The following HTATSF1 variants were observed in gnomAD, a reference collection of about 807,000 sequenced individuals.
The protein encoded by HTATSF1 is HIV-1 Tat specific factor 1, also known as 17S U2 SnRNP complex component HTATSF1.
A neutral mutation model predicts 46.1 loss-of-function variants in HTATSF1; 6 were observed. The ratio of observed to expected loss-of-function variants is 0.13; its 90% CI spans 0.07 to 0.26. HTATSF1 has a LOEUF of 0.26. HTATSF1 is among the 10% of genes least tolerant of loss of function. The pLI, the probability that HTATSF1 is intolerant of heterozygous loss-of-function variation, is 1.00. For synonymous variants in HTATSF1, 226 were observed against 211.5 expected, an observed-to-expected ratio of 1.07 and a Z score of -0.60; for missense variants, 452 against 559.9, an observed-to-expected ratio of 0.81 and a Z score of 1.94.
chrX:136,498,080 T>A (rs753188014), intron 1 of HTATSF1, among the ~76,000 whole-genome samples: 166 of 112,702 alleles, frequency 1.5e-3, no homozygotes, highest in Middle Eastern at 9.1e-3. Context: ...TTTTAAGTCT[T>A]TTCTATGCTT....
intron 6 of HTATSF1, 37 bp downstream of exon 6, chrX:136,504,500 A>G: frequency 9.4e-7 from 1 of 1,065,881 alleles, no homozygotes; most frequent in Non-Finnish European, 1.3e-6. Flanking sequence ...AAATGCTGAT[A>G]GGCTTTTTTT....
chrX:136,511,658 T>C lies in HTATSF1; in HGVS notation c.1913T>C (p.Phe638Ser). Residue 638 changes from phenylalanine (F) to serine (S), a missense_variant, in exon 9 of 9, where the codon TTT becomes TCT. Physicochemically the swap from Phe to Ser is radical, Grantham distance 155. Coordinates refer to ENST00000218364, the MANE Select transcript of HTATSF1 (RefSeq NM_014500.5). ...GAGGAGGATACATATGAAAAAGTAT[T>C]TGATGATGAGTCTGATGAGAAAGAG... ...EEEEDTYEKV[F>S]DDESDEKEDE... 1 of 1,210,536 alleles carries C rather than the reference T, an allele frequency of 8.3e-7. No homozygotes were observed. Among genetic ancestry groups the C allele is most frequent in the Admixed American group, 2.2e-5 (1 of 45,897 alleles).
Position 136,510,119 on chromosome X carries a change from A to T in HTATSF1, c.962A>T (p.Asp321Val). Residue 321 changes from aspartate to valine, a missense_variant, in exon 8 of 9, where the codon GAT becomes GTT. By Grantham distance (152) the Asp-to-Val change is radical. Coordinates refer to ENST00000218364, the MANE Select transcript of HTATSF1 (RefSeq NM_014500.5). ...GGTGTGGCCTCTGTGTCCTTTCGGG[A>T]TCCAGAGGAAGCTGATTATTGTATT... ...PDGVASVSFRDPEEADYCIQT... is the reference protein window; with the variant it reads ...PDGVASVSFRVPEEADYCIQT... 1 of 1,207,377 alleles carries T rather than the reference A, an allele frequency of 8.3e-7. No individual in the cohort carries two copies. The highest frequency in any genetic ancestry group is 1.1e-6 in the Non-Finnish European group (1 of 892,937).
chrX:136,510,896 G>A lies in HTATSF1; in HGVS notation c.1151G>A (p.Arg384His), dbSNP rs1396759818. 8.3e-6 allele frequency: 10 copies of A among 1,209,798 alleles called. No individual in the cohort carries two copies. Among genetic ancestry groups the A allele is most frequent in the Middle Eastern group, 2.3e-4 (1 of 4,375 alleles). The change falls in exon 9 of 9, where the codon CGT becomes CAT. Residue 384 changes from arginine to histidine, a missense_variant. Coordinates refer to ENST00000218364, the MANE Select transcript of HTATSF1 (RefSeq NM_014500.5). ...CCTGAGGCCAACAGAGGCCTTAGGC[G>A]TTCAGATTCTGTCTCTGCTTCCGAA... ...NAPEANRGLR[R>H]SDSVSASERA...
intron 1 of HTATSF1, among the ~76,000 whole-genome samples, chrX:136,498,078 C>G (rs1033606200): frequency 2.7e-5 from 3 of 112,393 alleles, no homozygotes; most frequent in Non-Finnish European, 3.8e-5. Flanking sequence ...ATTTTTAAGT[C>G]TTTTCTATGC....
chrX:136,508,103 C>T (rs1030429109), intron 6 of HTATSF1, among the ~76,000 whole-genome samples: 1 of 111,797 alleles, frequency 8.9e-6, no homozygotes, highest in Non-Finnish European at 1.9e-5. Flanking sequence ...TCAGTAACTC[C>T]CTGCCAGCTT....
At chrX:136,508,787 G>T (rs2075754321) in intron 6 of HTATSF1, among the ~76,000 whole-genome samples, 1 of 112,573 alleles carries the variant, frequency 8.9e-6, no homozygotes, top group African/African-American at 3.2e-5. Context: ...TTAGCAGTCT[G>T]ACTGAATATG....
Position 136,511,714 on chromosome X carries a change from G to C in HTATSF1, c.1969G>C (p.Glu657Gln), listed in dbSNP as rs772360827. The C allele has an allele frequency of 3.2e-5, 39 of 1,211,622 alleles. No homozygotes were observed. The highest frequency in any genetic ancestry group is 4.4e-5 in the Non-Finnish European group (39 of 895,317). Reference protein sequence around the residue: ...DEEYADEKGLEAADKKAEEGD... With the variant: ...DEEYADEKGLQAADKKAEEGD... The stretch of plus-strand genomic sequence containing the variant: ...AGAATATGCAGATGAAAAGGGGCTT[G>C]AAGCTGCTGATAAAAAGGCGGAAGA... The change falls in exon 9 of 9, where the codon GAA becomes CAA. Residue 657 changes from glutamate to glutamine, a missense_variant. Around this residue, in one of 3 missense-constraint regions of HTATSF1, gnomAD observed 246 missense variants for 245.3 expected, o/e 1.00. Coordinates refer to ENST00000218364, the MANE Select transcript of HTATSF1 (RefSeq NM_014500.5).
chrX:136,497,606 C>G lies in HTATSF1; in HGVS notation c.-79C>G, dbSNP rs768701972. On this transcript the variant is annotated 5_prime_UTR_variant, in exon 1 of 9. Coordinates refer to ENST00000218364, the MANE Select transcript of HTATSF1 (RefSeq NM_014500.5). ...GGGGCGCGAGCAGAGCGCGGTTGAC[C>G]TCCCTTTCTCTGCTCAGCTCCAGCG... 21 of 895,065 alleles carry G rather than the reference C, an allele frequency of 2.3e-5. No homozygotes were observed. Among genetic ancestry groups the G allele is most frequent in the Non-Finnish European group, 3.0e-5 (20 of 665,190 alleles). 73.8% of individuals were successfully genotyped at this position (895,065 alleles called of 1,213,427 possible). A position where few individuals can be genotyped will look rare whatever the true frequency, so the allele number is the denominator to read the frequency against.
rs779183463 is a variant in HTATSF1, at chrX:136,512,176, A to G, written c.*163A>G. On this transcript the variant is annotated 3_prime_UTR_variant, in exon 9 of 9. Coordinates refer to ENST00000218364, the MANE Select transcript of HTATSF1 (RefSeq NM_014500.5). ...ACCTGTACCTAATGGTTTTAAATAT[A>G]TGTTAATTGATTGTTTAGTTAAAAT... 19 of 431,352 alleles carry G rather than the reference A, an allele frequency of 4.4e-5. No homozygotes were observed. Among genetic ancestry groups the G allele is most frequent in the Non-Finnish European group, 6.6e-5 (18 of 273,526 alleles). 35.5% of individuals were successfully genotyped at this position (431,352 alleles called of 1,213,427 possible).
chrX:136,498,852 C>T (rs919032088), intron 1 of HTATSF1, among the ~76,000 whole-genome samples: 1 of 112,573 alleles, frequency 8.9e-6, no homozygotes, highest in African/African-American at 3.2e-5. Context: ...AAGCCCATAC[C>T]TCTTCAAACT....
Position 136,500,089 on chromosome X carries a change from A to G in HTATSF1, c.368-69A>G, listed in dbSNP as rs1370838364. The G allele has an allele frequency of 6.8e-6, 5 of 730,529 alleles. No homozygotes were observed. In the African/African-American group the frequency reaches 1.1e-4, roughly 15 times the overall value. 60.2% of individuals were successfully genotyped at this position (730,529 alleles called of 1,213,427 possible). A position where few individuals can be genotyped will look rare whatever the true frequency, so the allele number is the denominator to read the frequency against. On this transcript the variant is annotated intron_variant, in intron 2 of 8. Transcript: ENST00000218364. The stretch of plus-strand genomic sequence containing the variant: ...GTTTCAAGAAACTGCTGCTTTGTCA[A>G]GATTCCATAATATGACTCTTATCTT...
In HTATSF1 at chrX:136,499,624, T is replaced by C; in HGVS notation, c.213T>C (p.Tyr71=). 1 of 1,189,626 alleles carries C rather than the reference T, an allele frequency of 8.4e-7. No individual in the cohort carries two copies. The change falls in exon 2 of 9, where the codon TAT becomes TAC. Residue 71 remains tyrosine (Y), a synonymous_variant. Coordinates refer to ENST00000218364, the MANE Select transcript of HTATSF1 (RefSeq NM_014500.5). ...TTACTGAAGATTTCATTGCTACATA[T>C]CAGGCCAATTATGGCTTCTCTAACG... ...PKITEDFIAT[Y]QANYGFSNDG...
At position 136,511,516 on chromosome X, in the gene HTATSF1, G is replaced by C; in HGVS notation, c.1771G>C (p.Glu591Gln). The change falls in exon 9 of 9, where the codon GAG (glutamate) becomes CAG (glutamine). Residue 591 changes from glutamate (E) to glutamine (Q), a missense_variant. Around this residue, in one of 3 missense-constraint regions of HTATSF1, gnomAD observed 246 missense variants for 245.3 expected, o/e 1.00. Transcript: ENST00000218364. ...KELHENVLDK[E>Q]LEENDSENSE... is the part of the protein sequence containing the mutation. ...GCTTCATGAAAATGTTCTTGACAAA[G>C]AGTTAGAAGAAAATGACTCTGAAAA... 4 of 1,209,836 alleles carry C rather than the reference G, an allele frequency of 3.3e-6. No individual in the cohort carries two copies. The highest frequency in any genetic ancestry group is 4.5e-6 in the Non-Finnish European group (4 of 894,915).
At position 136,504,030 on chromosome X, in the gene HTATSF1, C is replaced by T. The variant is rs763708437; in HGVS notation, c.735-334C>T. On this transcript the variant is annotated intron_variant, in intron 5 of 8. Coordinates refer to ENST00000218364, the MANE Select transcript of HTATSF1 (RefSeq NM_014500.5). ...GGATTACAGACGTGCACCACCACGC[C>T]TGGCTGATTTTTGTATTTTTAGTAG... Among the ~76,000 whole-genome samples the T allele has an allele frequency of 2.1e-4, 23 of 110,806 alleles. No individual in the cohort carries two copies. In the East Asian group the frequency reaches 6.5e-3, roughly 31 times the overall value.
In HTATSF1 at chrX:136,502,769, T is replaced by C. The variant is rs748951430; in HGVS notation, c.571-9T>C. 60 of 1,110,165 alleles carry C rather than the reference T, an allele frequency of 5.4e-5. 2 individuals carry two copies. The highest frequency in any genetic ancestry group is 2.9e-4 in the South Asian group (12 of 41,528). 91.5% of individuals were successfully genotyped at this position (1,110,165 alleles called of 1,213,427 possible). On this transcript the variant is annotated splice_polypyrimidine_tract_variant and intron_variant, in intron 4 of 8. Transcript: ENST00000218364. ...ATAACTGACTATATTTTGTCTTACA[T>C]TTATAAAGAGAGAATCTGTGGAACT...
chrX:136,511,512 C>T lies in HTATSF1; in HGVS notation c.1767C>T (p.Asp589=). The T allele has an allele frequency of 8.3e-7, 1 of 1,208,693 alleles. No individual in the cohort carries two copies. Among genetic ancestry groups the T allele is most frequent in the Non-Finnish European group, 1.1e-6 (1 of 894,541 alleles). ...AGGAGCTTCATGAAAATGTTCTTGA[C>T]AAAGAGTTAGAAGAAAATGACTCTG... ...SEKELHENVL[D]KELEENDSEN... The change falls in exon 9 of 9, where the codon GAC becomes GAT. Residue 589 remains aspartate (D), a synonymous_variant. Transcript: ENST00000218364.
intron 6 of HTATSF1, among the ~76,000 whole-genome samples, chrX:136,508,004 G>C (rs1489502485): frequency 2.7e-5 from 3 of 112,187 alleles, no homozygotes; most frequent in East Asian, 5.5e-4. Context: ...TATAAGTGGG[G>C]AAGTCCAGAG....
At chrX:136,504,689 A>G (rs2075733956) in intron 6 of HTATSF1, among the ~76,000 whole-genome samples, 1 of 112,034 alleles carries the variant, frequency 8.9e-6, no homozygotes, top group Non-Finnish European at 1.9e-5. Flanking sequence ...CTGTTTAATA[A>G]CCATACTGCG....
Sources: allele counts gnomAD v4.1 joint callset (sites outside exome capture counted in the v4.1 genomes callset), GRCh38; gene constraint gnomAD v4.1.1; regional missense constraint gnomAD v4.1.1; transcripts MANE v1.5; gene names NCBI Gene and HGNC (gene_info 2026-07-23, HGNC 2026-07-21).